The following FBH1 variants were observed in gnomAD, a reference collection of about 807,000 sequenced individuals.
The protein encoded by FBH1 is F-box DNA helicase 1.
Under a neutral mutation model 115.5 loss-of-function variants are expected in FBH1, and 43 were observed. The ratio of observed to expected loss-of-function variants is 0.37; its 90% confidence interval spans 0.29 to 0.48. FBH1 has a LOEUF of 0.48. Among genes scored for constraint, FBH1 ranks in the 20% least tolerant of loss-of-function variants. FBH1 has a pLI of 0.99. For missense variants in FBH1, 1,001 were observed against 1,337.3 expected (o/e 0.75, Z 3.92); for synonymous variants, 524 against 507.8 (o/e 1.03, Z -0.43).
chr10:5,896,167 A>C (rs1842992045), intron 1 of FBH1, among the ~76,000 whole-genome samples: 1 of 152,138 alleles, frequency 6.6e-6, no homozygotes, highest in Non-Finnish European at 1.5e-5. Context: ...AGTTCCCCGT[A>C]GCAGAGTTCT....
rs567726537 is a variant in FBH1, at chr10:5,904,380, A to G, written c.157+1205A>G. 3.3e-5 allele frequency among the ~76,000 whole-genome samples: 5 copies of G among 152,306 alleles called. No homozygotes were observed. The South Asian group carries it at 1.0e-3, about 32-fold the overall frequency. ...GTTTCCTGCTGTGGGAACTACTATA[A>G]CCAACTGTATGAGGCAGTTTGAAAC... is the stretch of plus-strand genomic sequence containing the variant. On this transcript the variant is annotated intron_variant, in intron 2 of 20. Transcript: ENST00000362091.
In FBH1 at chr10:5,923,797, A is replaced by G. The variant is rs1257889306; in HGVS notation, c.2398+101A>G. 9.1e-7 allele frequency: 1 copy of G among 1,100,602 alleles called. No homozygotes were observed. The highest frequency in any genetic ancestry group is 1.3e-6 in the Non-Finnish European group (1 of 743,362). 68.2% of individuals were successfully genotyped at this position (1,100,602 alleles called of 1,614,324 possible). A position where few individuals can be genotyped will look rare whatever the true frequency, so the allele number is the denominator to read the frequency against. The stretch of plus-strand genomic sequence containing the variant: ...CTGAGTCAGGGACCCGTTTCCCTCC[A>G]GAGAAGGGCGAGCTAGTGTTGCTGT... On this transcript the variant is annotated intron_variant, in intron 16 of 20. Transcript: ENST00000362091. The surrounding 1 kb of genome is among the most constrained non-coding windows in gnomAD (Gnocchi z 5.7).
intron 1 of FBH1, among the ~76,000 whole-genome samples, chr10:5,901,104 GAAAAAAGAAA>G (rs1005935859): frequency 8.1e-5 from 12 of 148,196 alleles, no homozygotes; most frequent in Admixed American, 6.0e-4. Flanking sequence ...CTCAAAAAAA[GAAAAAAGAAA>G]AAAAAAGAAA....
intron 1 of FBH1, among the ~76,000 whole-genome samples, chr10:5,891,702 C>T (rs921908438): frequency 2.0e-5 from 3 of 152,192 alleles, no homozygotes; most frequent in Admixed American, 6.5e-5. Context: ...CTCCCCCTCC[C>T]GGGTTCAAGC....
rs1589047140 is a variant in FBH1 at position 5,897,241 on chromosome 10, T to G, written c.2-5779T>G. Among the ~76,000 whole-genome samples, 1 of 152,176 alleles carries G rather than the reference T, an allele frequency of 6.6e-6. No homozygotes were observed. Among genetic ancestry groups the G allele is most frequent in the Non-Finnish European group, 1.5e-5 (1 of 68,022 alleles). On this transcript the variant is annotated intron_variant, in intron 1 of 20. Coordinates refer to ENST00000362091, the MANE Select transcript of FBH1 (RefSeq NM_178150.3). This position sits in a 1 kb window ranked among gnomAD's most constrained non-coding sequence, Gnocchi z 4.7. ...CATTCTCTGAATTCAGCATGGCAGG[T>G]TATTATAATCCTCGTTTTCATAAGC...
chr10:5,929,801 A>G (rs982691712), intron 19 of FBH1: 2 of 152,226 alleles, frequency 1.3e-5, no homozygotes, highest in African/African-American at 4.8e-5. Context: ...AAAAATCTCT[A>G]AACCAGTACC....
At position 5,937,547 on chromosome 10, in the gene FBH1, AACTTTTATT is replaced by A; in HGVS notation, c.*270_*278del. 3.5e-6 allele frequency: 1 copy of A among 287,482 alleles called. No individual in the cohort carries two copies. Among genetic ancestry groups the A allele is most frequent in the Non-Finnish European group, 6.4e-6 (1 of 157,228 alleles). The allele number at this position is 287,482 out of a possible 1,614,324, so 17.8% of individuals were successfully genotyped here. On this transcript the variant is annotated 3_prime_UTR_variant, in exon 21 of 21. Coordinates refer to ENST00000362091, the MANE Select transcript of FBH1 (RefSeq NM_178150.3). ...AAAAAAAAAAAAATTTATGTATTTA[AACTTTTATT>A]ACAAGATTTCAATTAAACAGGCACC...
chr10:5,921,605 G>T lies in FBH1; in HGVS notation c.2322+36G>T, dbSNP rs897445927. The T allele has an allele frequency of 6.3e-7, 1 of 1,580,840 alleles. No individual in the cohort carries two copies. The highest frequency in any genetic ancestry group is 1.4e-5 in the African/African-American group (1 of 72,580). ...ATTTCTGTTGACCACTTCATGCACA[G>T]AAACGTTGTAGACGAACATACCCAA... On this transcript the variant is annotated intron_variant, in intron 15 of 20. Coordinates refer to ENST00000362091, the MANE Select transcript of FBH1 (RefSeq NM_178150.3). The surrounding 1 kb of genome is among the most constrained non-coding windows in gnomAD (Gnocchi z 6.4).
rs1315876727 is a variant in FBH1, at chr10:5,914,963, A to G, written c.1397-440A>G. Among the ~76,000 whole-genome samples, 1 of 152,178 alleles carries G rather than the reference A, an allele frequency of 6.6e-6. No individual in the cohort carries two copies. The highest frequency in any genetic ancestry group is 2.4e-5 in the African/African-American group (1 of 41,450). On this transcript the variant is annotated intron_variant, in intron 8 of 20. Transcript: ENST00000362091. This position sits in a 1 kb window ranked among gnomAD's most constrained non-coding sequence, Gnocchi z 5.2. ...TATAGAGGAAGAAACTGAAGCACAGAGAGCCTTGCCCGGGGTTGAATAAGT... is the reference window on the plus strand; with the variant it reads ...TATAGAGGAAGAAACTGAAGCACAGGGAGCCTTGCCCGGGGTTGAATAAGT...
At position 5,921,663 on chromosome 10, in the gene FBH1, C is replaced by T. The variant is rs1589100578; in HGVS notation, c.2322+94C>T. On this transcript the variant is annotated intron_variant, in intron 15 of 20. Transcript: ENST00000362091. The surrounding 1 kb of genome is among the most constrained non-coding windows in gnomAD (Gnocchi z 6.4). Reference sequence around the variant, plus strand: ...GTTCACCTTCCTTGGGATTATCATGCAAGAAAGCATTTGGGTTTTTGACTC... The same window carrying T: ...GTTCACCTTCCTTGGGATTATCATGTAAGAAAGCATTTGGGTTTTTGACTC... 1.8e-5 allele frequency: 28 copies of T among 1,524,300 alleles called. No homozygotes were observed. Among genetic ancestry groups the T allele is most frequent in the Non-Finnish European group, 2.0e-5 (23 of 1,139,036 alleles). The allele number at this position is 1,524,300 out of a possible 1,614,324, so 94.4% of individuals were successfully genotyped here. A position where few individuals can be genotyped will look rare whatever the true frequency, so the allele number is the denominator to read the frequency against.
In FBH1 at chr10:5,911,192, G is replaced by C; in HGVS notation, c.1211+64G>C. The C allele has an allele frequency of 2.0e-6, 3 of 1,498,422 alleles. No individual in the cohort carries two copies. Among genetic ancestry groups the C allele is most frequent in the Non-Finnish European group, 2.7e-6 (3 of 1,103,952 alleles). 92.8% of individuals were successfully genotyped at this position (1,498,422 alleles called of 1,614,324 possible). A position where few individuals can be genotyped will look rare whatever the true frequency, so the allele number is the denominator to read the frequency against. ...TGGGAGAGTCCCAGACACAGCAGCA[G>C]GTCCAGCCCTGCCACTTAGCAGTGT... On this transcript the variant is annotated intron_variant, in intron 6 of 20. Coordinates refer to ENST00000362091, the MANE Select transcript of FBH1 (RefSeq NM_178150.3). The surrounding 1 kb of genome is among the most constrained non-coding windows in gnomAD (Gnocchi z 5.4).
intron 2 of FBH1, 74 bp downstream of exon 2, chr10:5,903,249 A>G (rs1843470972): frequency 8.1e-7 from 1 of 1,229,478 alleles, no homozygotes; most frequent in East Asian, 2.7e-5. Flanking sequence ...CTAGTTTAAA[A>G]GTATTTGTAA....
chr10:5,917,774 A>T lies in FBH1; in HGVS notation c.1963+98A>T. 1.1e-6 allele frequency: 1 copy of T among 947,162 alleles called. No homozygotes were observed. The highest frequency in any genetic ancestry group is 1.6e-6 in the Non-Finnish European group (1 of 613,580). The allele number at this position is 947,162 out of a possible 1,614,324, so 58.7% of individuals were successfully genotyped here. ...TGTGTGAACTAAGTTGATTATTATT[A>T]TTTGTGATAAAGAAGAGGATCTTCA... On this transcript the variant is annotated intron_variant, in intron 12 of 20. Coordinates refer to ENST00000362091, the MANE Select transcript of FBH1 (RefSeq NM_178150.3). This position sits in a 1 kb window ranked among gnomAD's most constrained non-coding sequence, Gnocchi z 5.6.
chr10:5,908,223 A>G lies in FBH1; in HGVS notation c.754-702A>G, dbSNP rs373123362. 2.2e-4 allele frequency among the ~76,000 whole-genome samples: 34 copies of G among 152,248 alleles called. No individual in the cohort carries two copies. In the East Asian group the frequency reaches 3.7e-3, roughly 16 times the overall value. ...TGGTGCATATATATTTATAGTTATTATATCTTCTTGGTGAATTGACCCTTT... is the reference window on the plus strand; with the variant it reads ...TGGTGCATATATATTTATAGTTATTGTATCTTCTTGGTGAATTGACCCTTT... On this transcript the variant is annotated intron_variant, in intron 3 of 20. Coordinates refer to ENST00000362091, the MANE Select transcript of FBH1 (RefSeq NM_178150.3).
At position 5,910,766 on chromosome 10, in the gene FBH1, C is replaced by T. The variant is rs979543003; in HGVS notation, c.1021-172C>T. Among the ~76,000 whole-genome samples the T allele has an allele frequency of 7.2e-5, 11 of 152,242 alleles. No individual in the cohort carries two copies. The highest frequency in any genetic ancestry group is 2.7e-4 in the African/African-American group (11 of 41,462). Reference sequence around the variant, plus strand: ...GTGATGAGAAGGAGTCCAGGGCGAACAGAAGGGCTCCCCTGTTTCCCAAAT... The same window carrying T: ...GTGATGAGAAGGAGTCCAGGGCGAATAGAAGGGCTCCCCTGTTTCCCAAAT... On this transcript the variant is annotated intron_variant, in intron 5 of 20. Transcript: ENST00000362091. The surrounding 1 kb of genome is among the most constrained non-coding windows in gnomAD (Gnocchi z 4.8).
Position 5,906,050 on chromosome 10 carries a change from A to C in FBH1, c.171A>C (p.Gln57His). The C allele has an allele frequency of 6.2e-7, 1 of 1,607,782 alleles. No homozygotes were observed. Among genetic ancestry groups the C allele is most frequent in the Non-Finnish European group, 8.5e-7 (1 of 1,174,706 alleles). Residue 57 changes from glutamine to histidine, a missense_variant, in exon 3 of 21, where the codon CAA becomes CAC. Gln to His is a conservative substitution (Grantham distance 24). This residue lies in a region of FBH1 where 420 missense variants were observed against 430.4 expected (regional missense o/e 0.98). Coordinates refer to ENST00000362091, the MANE Select transcript of FBH1 (RefSeq NM_178150.3). This position sits in a 1 kb window ranked among gnomAD's most constrained non-coding sequence, Gnocchi z 7.3. ...TTCTCTCTACAGGTCAGGGAAGTCA[A>C]AGATGCATCCCTGAGTTCTTCCTAG... ...TKRGSRGQGS[Q>H]RCIPEFFLAG...
rs1367806927 is a variant in FBH1, at chr10:5,923,592, A to C, written c.2323-29A>C. 2 of 1,588,636 alleles carry C rather than the reference A, an allele frequency of 1.3e-6. No homozygotes were observed. The highest frequency in any genetic ancestry group is 1.7e-6 in the Non-Finnish European group (2 of 1,163,996). ...AAACAAAACAAAAAACAACAAAAAA[A>C]CAAAAATCCCACCAAAAAACTTTTT... On this transcript the variant is annotated intron_variant, in intron 15 of 20. Coordinates refer to ENST00000362091, the MANE Select transcript of FBH1 (RefSeq NM_178150.3). This position sits in a 1 kb window ranked among gnomAD's most constrained non-coding sequence, Gnocchi z 5.7.
In FBH1 at chr10:5,924,433, G is replaced by A; in HGVS notation, c.2521G>A (p.Glu841Lys). The A allele has an allele frequency of 6.2e-7, 1 of 1,614,196 alleles. No homozygotes were observed. ...GCTTGAAGCCAAGATCGCAGTTGTT[G>A]AAAAGTATAACATCAGGATTCCAGA... ...KELEAKIAVVEKYNIRIPELV... is the reference protein window; with the variant it reads ...KELEAKIAVVKKYNIRIPELV... The change falls in exon 17 of 21, where the codon GAA (glutamate) becomes AAA (lysine). Residue 841 changes from glutamate (E) to lysine (K), a missense_variant. Physicochemically the swap from Glu to Lys is moderately conservative, Grantham distance 56 (BLOSUM62 1). Around this residue, in one of 4 missense-constraint regions of FBH1, gnomAD observed 521 missense variants for 811.0 expected, o/e 0.64. Transcript: ENST00000362091. This position sits in a 1 kb window ranked among gnomAD's most constrained non-coding sequence, Gnocchi z 6.2.
At chr10:5,920,860 G>A (rs1043072687) in intron 13 of FBH1, among the ~76,000 whole-genome samples, 4 of 152,322 alleles carry the variant, frequency 2.6e-5, no homozygotes, top group South Asian at 4.1e-4. Context: ...AGGCAGGGCA[G>A]CACGGACAAT....
Sources: gnomAD v4.1 joint callset for allele counts (sites outside exome capture counted in the v4.1 genomes callset) on GRCh38, gnomAD v4.1.1 for gene constraint, gnomAD v4.1.1 regional missense constraint, Gnocchi (gnomAD v3.1) non-coding constraint, MANE v1.5 for transcripts, NCBI Gene and HGNC (gene_info 2026-07-23, HGNC 2026-07-21) for gene names.